FBXW7: variants seen among roughly 807,000 people sequenced by gnomAD.
FBXW7 encodes the protein F-box and WD repeat domain containing 7.
In FBXW7, 11 loss-of-function variants were observed where a neutral mutation model predicts 86.3. The ratio of observed to expected loss-of-function variants is 0.13; its 90% CI spans 0.08 to 0.21. FBXW7 has a LOEUF of 0.21. Among genes scored for constraint, FBXW7 ranks in the 10% least tolerant of loss-of-function variants. FBXW7 has a pLI of 1.00. For missense variants in FBXW7, 488 were observed against 847.4 expected, an observed-to-expected ratio of 0.58 and a Z score of 5.27; for synonymous variants, 313 against 297.9, an observed-to-expected ratio of 1.05 and a Z score of -0.52.
chr4:152,391,674 T>C (rs754816068), intron 4 of FBXW7, among the ~76,000 whole-genome samples: 2 of 152,124 alleles, frequency 1.3e-5, no homozygotes, highest in African/African-American at 2.4e-5. Context: ...TACTAGATCA[T>C]GCTTTGTATC....
intron 2 of FBXW7, among the ~76,000 whole-genome samples, chr4:152,533,937 G>C (rs1320419094): frequency 6.6e-6 from 1 of 152,182 alleles, no homozygotes; most frequent in Non-Finnish European, 1.5e-5. Context: ...GACAGAACGA[G>C]CCCACAGTTG....
At chr4:152,350,207 T>C (rs1255751335) in intron 4 of FBXW7, 83 bp from the exon 5 acceptor site, 7 of 669,224 alleles carry the variant, frequency 1.0e-5, no homozygotes, top group Non-Finnish European at 1.5e-5. Flanking sequence ...ATATTTTAAA[T>C]TCTTAAATTT....
chr4:152,434,525 CCTT>C (rs1740201687), intron 2 of FBXW7, among the ~76,000 whole-genome samples: 1 of 152,152 alleles, frequency 6.6e-6, no homozygotes, highest in African/African-American at 2.4e-5. Flanking sequence ...TACTGCATTG[CCTT>C]CTTAGTCTCT....
At chr4:152,532,315 C>T (rs755374976) in intron 2 of FBXW7, among the ~76,000 whole-genome samples, 11 of 152,100 alleles carry the variant, frequency 7.2e-5, no homozygotes, top group Non-Finnish European at 1.2e-4. Flanking sequence ...TGGATAGCCA[C>T]GATATAATAA....
rs577200022 is a variant in FBXW7, at chr4:152,354,087, G to A, written c.502-3963C>T. On this transcript the variant is annotated intron_variant, in intron 4 of 13. Transcript: ENST00000281708. The stretch of plus-strand genomic sequence containing the variant: ...GTATCATAATTTTAAAAATAAAAAT[G>A]TTTACCTTTATAACTAAGACATTAT... Among the ~76,000 whole-genome samples the A allele has an allele frequency of 2.0e-5, 3 of 152,116 alleles. No individual in the cohort carries two copies. The South Asian group carries it at 6.2e-4, about 32-fold the overall frequency.
chr4:152,457,276 C>T (rs75944053), intron 2 of FBXW7, among the ~76,000 whole-genome samples: 2,086 of 152,242 alleles, frequency 0.014, 26 homozygotes, highest in Middle Eastern at 0.037. Context: ...TATATATTCA[C>T]TGGATATATA....
chr4:152,367,068 T>C (rs558427960), intron 4 of FBXW7, among the ~76,000 whole-genome samples: 45 of 152,188 alleles, frequency 3.0e-4, no homozygotes, highest in African/African-American at 8.4e-4. Flanking sequence ...TAGGTGGGAA[T>C]TGAACAATGA....
rs1386434396 is a variant in FBXW7, at chr4:152,321,659, T to A, written c.*1222A>T. 4.3e-6 allele frequency: 1 copy of A among 233,042 alleles called. No homozygotes were observed. Among genetic ancestry groups the A allele is most frequent in the Admixed American group, 5.6e-5 (1 of 17,756 alleles). 14.4% of individuals were successfully genotyped at this position (233,042 alleles called of 1,614,324 possible). On this transcript the variant is annotated 3_prime_UTR_variant, in exon 14 of 14. Coordinates refer to ENST00000281708, the MANE Select transcript of FBXW7 (RefSeq NM_001349798.2). ...AAACTGTAACAGTTGTTTTCCCAAA[T>A]ACTGTAAAACACTAAGACTGACCAG...
intron 7 of FBXW7, among the ~76,000 whole-genome samples, chr4:152,335,362 A>C (rs1729967417): frequency 6.6e-6 from 1 of 151,812 alleles, no homozygotes. Context: ...TAGCTACTCA[A>C]GAGGCTAACA....
At chr4:152,338,942 C>T (rs1190993459) in intron 6 of FBXW7, among the ~76,000 whole-genome samples, 1 of 152,038 alleles carries the variant, frequency 6.6e-6, no homozygotes, top group Admixed American at 6.6e-5. Context: ...CATTCCATTT[C>T]TTGTCCAAAC....
At chr4:152,439,023 A>G (rs553035518) in intron 2 of FBXW7, among the ~76,000 whole-genome samples, 2 of 152,338 alleles carry the variant, frequency 1.3e-5, no homozygotes, top group Admixed American at 6.5e-5. Context: ...CCAGCATAGT[A>G]AAGTTTTAAA....
rs983849307 is a variant in FBXW7 at position 152,536,022 on chromosome 4, A to G, written c.-1108T>C. 43 of 222,680 alleles carry G rather than the reference A, an allele frequency of 1.9e-4. 1 individual carries two copies. Among genetic ancestry groups the G allele is most frequent in the Admixed American group, 2.4e-4 (4 of 16,842 alleles). The allele number at this position is 222,680 out of a possible 1,614,324, so 13.8% of individuals were successfully genotyped here. ...CAGCGGCGGCGGCGGCGGCAGCGGC[A>G]GCGGCAGCGCCCGGAGCTCAGCTCG... On this transcript the variant is annotated 5_prime_UTR_variant, in exon 1 of 14. Coordinates refer to ENST00000281708, the MANE Select transcript of FBXW7 (RefSeq NM_001349798.2).
At chr4:152,436,103 C>A (rs185071074) in intron 2 of FBXW7, among the ~76,000 whole-genome samples, 55 of 152,276 alleles carry the variant, frequency 3.6e-4, no homozygotes, top group African/African-American at 1.3e-3. Context: ...AAAATGGCCT[C>A]TAAGCATTCA....
In FBXW7 at chr4:152,493,172, T is replaced by G. The variant is rs115956491; in HGVS notation, c.-120+41769A>C. 7.2e-3 allele frequency among the ~76,000 whole-genome samples: 1,093 copies of G among 152,028 alleles called. 6 individuals are homozygous for G. The highest frequency in any genetic ancestry group is 0.017 in the Middle Eastern group (5 of 294). On this transcript the variant is annotated intron_variant, in intron 2 of 13. Transcript: ENST00000281708. ...AAAGGATAGTTTTTTTGTTTTTTGT[T>G]TTTTTTTCCAGAGACAGACTCTCGC...
intron 2 of FBXW7, among the ~76,000 whole-genome samples, chr4:152,488,369 C>T (rs2149680663): frequency 6.6e-6 from 1 of 152,176 alleles, no homozygotes; most frequent in South Asian, 2.1e-4. Flanking sequence ...CAACGGCTTT[C>T]ACTTCACTTG....
intron 4 of FBXW7, among the ~76,000 whole-genome samples, chr4:152,409,902 C>T (rs569551730): frequency 2.0e-5 from 3 of 151,986 alleles, no homozygotes; most frequent in African/African-American, 7.2e-5. Flanking sequence ...TAGAAAAAAA[C>T]TAACAAATTC....
At chr4:152,481,581 T>G (rs1744879160) in intron 2 of FBXW7, among the ~76,000 whole-genome samples, 1 of 152,180 alleles carries the variant, frequency 6.6e-6, no homozygotes, top group Non-Finnish European at 1.5e-5. Context: ...ATTGAAAGCC[T>G]TCTGGGAAGG....
intron 4 of FBXW7, among the ~76,000 whole-genome samples, chr4:152,373,463 A>C (rs141597383): frequency 6.6e-6 from 1 of 152,122 alleles, no homozygotes; most frequent in Non-Finnish European, 1.5e-5. Context: ...TTATATCTAC[A>C]GTTTCTAGGA....
At chr4:152,485,049 T>TG (rs1480356462) in intron 2 of FBXW7, among the ~76,000 whole-genome samples, 1 of 150,198 alleles carries the variant, frequency 6.7e-6, no homozygotes, top group Non-Finnish European at 1.5e-5. Flanking sequence ...AACATAGTAA[T>TG]GACAACAAAA....
Sources: allele counts gnomAD v4.1 joint callset (sites outside exome capture counted in the v4.1 genomes callset), GRCh38; gene constraint gnomAD v4.1.1; transcripts MANE v1.5; gene names NCBI Gene and HGNC (gene_info 2026-07-23, HGNC 2026-07-21).